CORO1C: variants seen among roughly 807,000 people sequenced by gnomAD.
CORO1C encodes the protein coronin-1C.
A neutral mutation model predicts 51.2 loss-of-function variants in CORO1C; 14 were observed. The ratio of observed to expected loss-of-function variants is 0.27; its 90% confidence interval spans 0.18 to 0.43. The LOEUF (loss-of-function observed/expected upper bound fraction) is 0.43, where lower values mean the gene tolerates loss of function less well. CORO1C is among the 20% of genes least tolerant of loss of function. CORO1C has a pLI of 1.00. For synonymous variants in CORO1C, 181 were observed against 210.5 expected (o/e 0.86, Z 1.21); for missense variants, 417 against 607.8 (o/e 0.69, Z 3.30).
chr12:108,648,590 T>C lies in CORO1C; in HGVS notation c.1305+15A>G, dbSNP rs375125043. On this transcript the variant is annotated intron_variant, in intron 10 of 10. Transcript: ENST00000261401. ...CTGAACCAGCCAAGCACCCCTGCAC[T>C]CCACTGGTCCTCACCACACTGGCCG... The C allele has an allele frequency of 3.1e-6, 5 of 1,614,018 alleles. No homozygotes were observed. The South Asian group carries it at 5.5e-5, about 18-fold the overall frequency.
chr12:108,696,221 G>A (rs2034676971), intron 2 of CORO1C: 1 of 152,192 alleles, frequency 6.6e-6, no homozygotes, highest in South Asian at 2.1e-4. Context: ...TTGCTTCACA[G>A]TATTTCACAA....
At chr12:108,666,567 C>T (rs2033486256) in intron 3 of CORO1C, among the ~76,000 whole-genome samples, 1 of 152,098 alleles carries the variant, frequency 6.6e-6, no homozygotes. Flanking sequence ...TGGGTGATGG[C>T]CTGCTCGGTT....
At chr12:108,690,585 G>A (rs1057319125) in intron 2 of CORO1C, among the ~76,000 whole-genome samples, 5 of 152,138 alleles carry the variant, frequency 3.3e-5, no homozygotes, top group Admixed American at 6.6e-5. Flanking sequence ...GCAAAAACAC[G>A]GAAAAGTTAA....
chr12:108,662,099 C>T lies in CORO1C; in HGVS notation c.378G>A (p.Leu126=), dbSNP rs1446224770. Residue 126 remains leucine, a synonymous_variant, in exon 4 of 11, where the codon TTG becomes TTA. Coordinates refer to ENST00000261401, the MANE Select transcript of CORO1C (RefSeq NM_014325.4). ...TLSLTEPVVI[L]EGHSKRVGIV... ...TGCCGACTCTCTTTGAGTGGCCTTCCAAAATCACCACAGGTTCAGTCAGGG... is the reference window on the plus strand; with the variant it reads ...TGCCGACTCTCTTTGAGTGGCCTTCTAAAATCACCACAGGTTCAGTCAGGG... The T allele has an allele frequency of 6.2e-7, 1 of 1,613,962 alleles. No individual in the cohort carries two copies. The highest frequency in any genetic ancestry group is 8.5e-7 in the Non-Finnish European group (1 of 1,179,872).
At chr12:108,695,851 TAAAA>T (rs924887183) in intron 2 of CORO1C, among the ~76,000 whole-genome samples, 1 of 62,452 alleles carries the variant, frequency 1.6e-5, no homozygotes, top group African/African-American at 5.5e-5. Flanking sequence ...TTGGGAGAAC[TAAAA>T]AAAAAAAAAA....
chr12:108,655,898 C>T (rs1487738157), intron 6 of CORO1C, among the ~76,000 whole-genome samples: 2 of 149,284 alleles, frequency 1.3e-5, no homozygotes, highest in South Asian at 4.3e-4. Flanking sequence ...AAGTGAGGAG[C>T]GCCTCTTCCC....
chr12:108,665,784 T>G (rs887616057), intron 3 of CORO1C, among the ~76,000 whole-genome samples: 1 of 152,154 alleles, frequency 6.6e-6, no homozygotes, highest in African/African-American at 2.4e-5. Flanking sequence ...AGGGCTGAGA[T>G]TATGGGCTCT....
At chr12:108,700,300 A>AGTTGTTCT (rs2034826646) in intron 2 of CORO1C, among the ~76,000 whole-genome samples, 6 of 152,186 alleles carry the variant, frequency 3.9e-5, no homozygotes, top group Admixed American at 3.9e-4. Context: ...ACTAGAAAAC[A>AGTTGTTCT]ACTGTTTCTA....
intron 2 of CORO1C, among the ~76,000 whole-genome samples, chr12:108,699,931 A>C (rs2034812975): frequency 6.6e-6 from 1 of 152,202 alleles, no homozygotes; most frequent in South Asian, 2.1e-4. Flanking sequence ...CCACTGAAGT[A>C]AAAATCAGAT....
rs2034849847 is a variant in CORO1C, at chr12:108,701,009, C to T, written c.195+115G>A. 4.3e-6 allele frequency: 5 copies of T among 1,158,100 alleles called. No individual in the cohort carries two copies. The African/African-American group carries it at 7.6e-5, about 18-fold the overall frequency. 71.7% of individuals were successfully genotyped at this position (1,158,100 alleles called of 1,614,324 possible). On this transcript the variant is annotated intron_variant, in intron 2 of 10. Transcript: ENST00000261401. ...GGCGTGTGGAACTTAACTTCAATTA[C>T]ATCAGAGTCTAATGGTTTCACAAAT... is the stretch of plus-strand genomic sequence containing the variant.
intron 1 of CORO1C, among the ~76,000 whole-genome samples, chr12:108,708,405 G>C (rs2035087151): frequency 6.6e-6 from 1 of 150,704 alleles, no homozygotes; most frequent in Admixed American, 6.6e-5. Flanking sequence ...TAATTTATAT[G>C]AAAGTCCAGA....
At chr12:108,728,490 T>G (rs2035642684) in intron 1 of CORO1C, among the ~76,000 whole-genome samples, 1 of 151,972 alleles carries the variant, frequency 6.6e-6, no homozygotes, top group Admixed American at 6.6e-5. Context: ...GGTTTCTTTT[T>G]GGGGGGGATG....
At chr12:108,717,179 A>G (rs2035357820) in intron 1 of CORO1C, among the ~76,000 whole-genome samples, 1 of 152,222 alleles carries the variant, frequency 6.6e-6, no homozygotes, top group Non-Finnish European at 1.5e-5. Flanking sequence ...AGAGAAGAAA[A>G]GTGAGTCCCA....
At chr12:108,704,030 AAAAG>A (rs2034955961) in intron 1 of CORO1C, among the ~76,000 whole-genome samples, 1 of 152,226 alleles carries the variant, frequency 6.6e-6, no homozygotes, top group South Asian at 2.1e-4. Flanking sequence ...TCTCACTTGA[AAAAG>A]AGAGACGATT....
intron 1 of CORO1C, among the ~76,000 whole-genome samples, chr12:108,719,939 C>T (rs1158291844): frequency 2.0e-5 from 3 of 152,162 alleles, no homozygotes; most frequent in African/African-American, 7.2e-5. Context: ...AATCCCAGCA[C>T]TTTGGGAGGC....
intron 8 of CORO1C, chr12:108,649,499 G>A (rs1481839680): frequency 5.9e-6 from 1 of 169,154 alleles, no homozygotes; most frequent in Non-Finnish European, 1.3e-5. Flanking sequence ...ACAATCCTAG[G>A]ATTATGATTT....
intron 1 of CORO1C, among the ~76,000 whole-genome samples, chr12:108,729,460 T>C (rs1592961320): frequency 6.6e-6 from 1 of 152,210 alleles, no homozygotes; most frequent in Non-Finnish European, 1.5e-5. Flanking sequence ...ATGGACAAGA[T>C]AGGTTCTATA....
intron 1 of CORO1C, among the ~76,000 whole-genome samples, chr12:108,719,025 C>G (rs2035409766): frequency 6.6e-6 from 1 of 152,182 alleles, no homozygotes; most frequent in African/African-American, 2.4e-5. Context: ...ATTCTAAGAG[C>G]AAATACTCTA....
intron 1 of CORO1C, among the ~76,000 whole-genome samples, chr12:108,705,459 C>CA (rs1163703701): frequency 0.059 from 3,735 of 63,130 alleles, 392 homozygotes; most frequent in African/African-American, 0.18. Flanking sequence ...GACCCTGTCT[C>CA]AAAAAAAAAA....
Sources: allele counts gnomAD v4.1 joint callset (sites outside exome capture counted in the v4.1 genomes callset), GRCh38; gene constraint gnomAD v4.1.1; transcripts MANE v1.5; gene names NCBI Gene and HGNC (gene_info 2026-07-23, HGNC 2026-07-21).